ARHGAP20: variants seen among roughly 807,000 people sequenced by gnomAD.
ARHGAP20 encodes rho GTPase-activating protein 20.
Under a neutral mutation model 73.7 loss-of-function variants are expected in ARHGAP20, and 34 were observed. That is an observed-to-expected ratio of 0.46 (90% confidence interval 0.35 to 0.61). The LOEUF (loss-of-function observed/expected upper bound fraction) is 0.61, where lower values mean the gene tolerates loss of function less well. Among genes scored for constraint, ARHGAP20 ranks in the 20% least tolerant of loss-of-function variants. The pLI is 0.00. For synonymous variants in ARHGAP20, 523 were observed against 518.2 expected (o/e 1.01, Z -0.13); for missense variants, 1,314 against 1,420.9 (o/e 0.92, Z 1.21).
chr11:110,642,488 T>C (rs898750341), intron 2 of ARHGAP20, among the ~76,000 whole-genome samples: 1 of 152,248 alleles, frequency 6.6e-6, no homozygotes, highest in South Asian at 2.1e-4. Context: ...TGAGGATTCT[T>C]ATCAGGAAGG....
At chr11:110,676,230 T>C (rs1287840528) in intron 2 of ARHGAP20, among the ~76,000 whole-genome samples, 1 of 152,186 alleles carries the variant, frequency 6.6e-6, no homozygotes, top group Non-Finnish European at 1.5e-5. Context: ...ATGTTTGTCA[T>C]CAGTTTTAAA....
At chr11:110,712,695 G>C (rs1001983389), upstream of ARHGAP20, 1 of 152,572 alleles carries the variant, frequency 6.6e-6, no homozygotes, top group African/African-American at 2.4e-5. Context: ...CCTGTGTCAC[G>C]CACGGGGGCC....
At chr11:110,671,063 A>G (rs1949817693) in intron 2 of ARHGAP20, among the ~76,000 whole-genome samples, 1 of 152,116 alleles carries the variant, frequency 6.6e-6, no homozygotes, top group Non-Finnish European at 1.5e-5. Flanking sequence ...TAGTTATAAC[A>G]AGTATACTGT....
chr11:110,643,468 T>C (rs1949118474), intron 2 of ARHGAP20, among the ~76,000 whole-genome samples: 1 of 152,154 alleles, frequency 6.6e-6, no homozygotes. Flanking sequence ...GCTGTGCCTC[T>C]GTTTTCATTA....
intron 2 of ARHGAP20, among the ~76,000 whole-genome samples, chr11:110,652,031 T>C (rs886861696): frequency 6.6e-6 from 1 of 152,128 alleles, no homozygotes; most frequent in African/African-American, 2.4e-5. Flanking sequence ...ATCAAAAAGC[T>C]TATCCACCAC....
intron 12 of ARHGAP20, among the ~76,000 whole-genome samples, chr11:110,584,691 T>C (rs900095626): frequency 1.3e-5 from 2 of 152,112 alleles, no homozygotes; most frequent in African/African-American, 4.8e-5. Flanking sequence ...CAACTCTGTG[T>C]AAGTTATAAC....
chr11:110,710,553 T>C (rs1279873792), intron 1 of ARHGAP20, among the ~76,000 whole-genome samples: 2 of 152,226 alleles, frequency 1.3e-5, no homozygotes, highest in Non-Finnish European at 2.9e-5. Flanking sequence ...TCAGTAAATG[T>C]AGGGCTAGCC....
At position 110,577,358 on chromosome 11, in the gene ARHGAP20, A is replaced by G; in HGVS notation, c.*2012T>C. ...ATATTAACAAACTATTCACATTAAG[A>G]ATTACAGGAGTATCTAAGGGAACAC... On this transcript the variant is annotated 3_prime_UTR_variant, in exon 15 of 15. Coordinates refer to ENST00000683387, the MANE Select transcript of ARHGAP20 (RefSeq NM_001384657.1). 2 of 1,227,690 alleles carry G rather than the reference A, an allele frequency of 1.6e-6. No individual in the cohort carries two copies. The highest frequency in any genetic ancestry group is 2.0e-6 in the Non-Finnish European group (2 of 984,248). The allele number at this position is 1,227,690 out of a possible 1,614,324, so 76.0% of individuals were successfully genotyped here.
At chr11:110,603,220 A>G (rs2134866838) in intron 9 of ARHGAP20, among the ~76,000 whole-genome samples, 1 of 152,332 alleles carries the variant, frequency 6.6e-6, no homozygotes, top group East Asian at 1.9e-4. Context: ...GCATTATGCT[A>G]TCACACAGCA....
chr11:110,660,366 A>G (rs1289155572), intron 2 of ARHGAP20, among the ~76,000 whole-genome samples: 1 of 152,208 alleles, frequency 6.6e-6, no homozygotes, highest in Admixed American at 6.5e-5. Flanking sequence ...GCCTACAGAA[A>G]GAACTGTGTG....
At chr11:110,701,100 T>C (rs1268983283) in intron 1 of ARHGAP20, among the ~76,000 whole-genome samples, 2 of 151,890 alleles carry the variant, frequency 1.3e-5, no homozygotes, top group African/African-American at 4.8e-5. Flanking sequence ...TTTGGGTACA[T>C]ACCCAGTAAT....
chr11:110,647,713 G>C (rs1949227503), intron 2 of ARHGAP20, among the ~76,000 whole-genome samples: 1 of 152,054 alleles, frequency 6.6e-6, no homozygotes, highest in South Asian at 2.1e-4. Context: ...TCAAAGGAAG[G>C]AATGGTTTTT....
intron 2 of ARHGAP20, among the ~76,000 whole-genome samples, chr11:110,646,472 G>A (rs1042135222): frequency 2.6e-5 from 4 of 151,988 alleles, no homozygotes; most frequent in Non-Finnish European, 5.9e-5. Flanking sequence ...TTTGACTGAA[G>A]TATCTTAAAG....
At chr11:110,604,001 T>C (rs1209772741) in intron 9 of ARHGAP20, among the ~76,000 whole-genome samples, 2 of 152,194 alleles carry the variant, frequency 1.3e-5, no homozygotes, top group Non-Finnish European at 2.9e-5. Flanking sequence ...ACTCATTAGA[T>C]TTGTATTACA....
chr11:110,705,761 G>T (rs1018129684), intron 1 of ARHGAP20, among the ~76,000 whole-genome samples: 1 of 152,064 alleles, frequency 6.6e-6, no homozygotes, highest in African/African-American at 2.4e-5. Flanking sequence ...GTTTCCACAT[G>T]ATTTTCCAGT....
At chr11:110,584,915 ATG>A (rs1385522865) in intron 12 of ARHGAP20, among the ~76,000 whole-genome samples, 1 of 148,302 alleles carries the variant, frequency 6.7e-6, no homozygotes, top group African/African-American at 2.5e-5. Context: ...GAATATATAT[ATG>A]AATATATATG....
At chr11:110,669,947 G>T (rs923343391) in intron 2 of ARHGAP20, among the ~76,000 whole-genome samples, 4 of 152,058 alleles carry the variant, frequency 2.6e-5, no homozygotes, top group Non-Finnish European at 4.4e-5. Flanking sequence ...AGAGGTTTTG[G>T]TATACCTACA....
intron 9 of ARHGAP20, among the ~76,000 whole-genome samples, chr11:110,605,432 T>C (rs2134872394): frequency 6.6e-6 from 1 of 152,362 alleles, no homozygotes; most frequent in East Asian, 1.9e-4. Flanking sequence ...TATGTTTTAG[T>C]ATGAAATATA....
chr11:110,599,457 G>A (rs1160213976), intron 9 of ARHGAP20, among the ~76,000 whole-genome samples: 2 of 152,230 alleles, frequency 1.3e-5, no homozygotes, highest in African/African-American at 4.8e-5. Context: ...AGGCAGCTCG[G>A]TGCTGGCCTG....
Sources: gnomAD v4.1 joint callset for allele counts (sites outside exome capture counted in the v4.1 genomes callset) on GRCh38, gnomAD v4.1.1 for gene constraint, MANE v1.5 for transcripts, NCBI Gene and HGNC (gene_info 2026-07-23, HGNC 2026-07-21) for gene names.